The following CERKL variants were observed in gnomAD, a reference collection of about 807,000 sequenced individuals.
The protein encoded by CERKL is ceramide kinase-like protein.
Under a neutral mutation model 63.4 loss-of-function variants are expected in CERKL, and 61 were observed. The observed-to-expected ratio is 0.96, with a 90% CI of 0.78 to 1.19. CERKL has a LOEUF of 1.19. Among genes scored for constraint, CERKL ranks in the 50% most tolerant of loss-of-function variants. The probability of loss-of-function intolerance (pLI) is 0.00; values close to 1 mark genes in which losing one functional copy is unlikely to be tolerated. For missense variants in CERKL, 675 were observed against 655.5 expected, an observed-to-expected ratio of 1.03 and a Z score of -0.33; for synonymous variants, 250 against 230.5, an observed-to-expected ratio of 1.08 and a Z score of -0.77.
intron 5 of CERKL, among the ~76,000 whole-genome samples, chr2:181,554,168 A>C (rs1688106169): frequency 6.8e-6 from 1 of 147,894 alleles, no homozygotes; most frequent in Admixed American, 6.7e-5. Context: ...TGGAGGCAAA[A>C]AAAAAAAAAA....
At chr2:181,656,704 G>C in intron 1 of CERKL, 65 bp downstream of exon 1, 4 of 1,358,188 alleles carry the variant, frequency 2.9e-6, no homozygotes, top group Non-Finnish European at 4.0e-6. Context: ...GTGGGTGTAG[G>C]CCTTGGGCCG....
At chr2:181,651,310 A>G (rs1687927818) in intron 1 of CERKL, among the ~76,000 whole-genome samples, 1 of 152,224 alleles carries the variant, frequency 6.6e-6, no homozygotes. Flanking sequence ...CACATTAGAA[A>G]GATAACTTGC....
chr2:181,604,171 C>T, intron 1 of CERKL, 92 bp from the exon 2 acceptor site: 1 of 1,032,284 alleles, frequency 9.7e-7, no homozygotes, highest in Non-Finnish European at 1.4e-6. Flanking sequence ...AGAAAGTGAG[C>T]AAAGGGAGAG....
intron 2 of CERKL, among the ~76,000 whole-genome samples, chr2:181,574,530 G>C (rs945678379): frequency 1.6e-4 from 25 of 152,180 alleles, no homozygotes; most frequent in Non-Finnish European, 5.9e-5. Context: ...CAATGATAGT[G>C]CTGCCTCACA....
At chr2:181,647,852 C>T (rs1368625736) in intron 1 of CERKL, among the ~76,000 whole-genome samples, 1 of 151,726 alleles carries the variant, frequency 6.6e-6, no homozygotes, top group African/African-American at 2.4e-5. Flanking sequence ...ACAAACAACC[C>T]AATGAAATCA....
chr2:181,548,381 G>A, intron 8 of CERKL, 164 bp downstream of exon 8: 1 of 634,406 alleles, frequency 1.6e-6, no homozygotes, highest in Non-Finnish European at 2.8e-6. Flanking sequence ...AAGGCTGAGT[G>A]AGTAGTTGTT....
At chr2:181,628,529 CA>C (rs373452709) in intron 1 of CERKL, among the ~76,000 whole-genome samples, 2 of 152,076 alleles carry the variant, frequency 1.3e-5, no homozygotes, top group African/African-American at 4.8e-5. Flanking sequence ...CAGTAACCCC[CA>C]AAGATTAGTC....
At position 181,650,095 on chromosome 2, in the gene CERKL, GAGGGAGGGAGGGAGGGAGGA is replaced by G. The variant is rs1189172205; in HGVS notation, c.238+6654_238+6673del. On this transcript the variant is annotated intron_variant, in intron 1 of 12. Coordinates refer to ENST00000410087, the MANE Select transcript of CERKL (RefSeq NM_201548.5). The stretch of plus-strand genomic sequence containing the variant: ...GCAATACAGAAGGGAGGGAGGGAGG[GAGGGAGGGAGGGAGGGAGGA>G]AGGAAGGAAGGAAGGAAGGAAGGAA... 67 of 66,766 alleles carry G rather than the reference GAGGGAGGGAGGGAGGGAGGA, an allele frequency of 1.0e-3. 1 individual carries two copies. Among genetic ancestry groups the G allele is most frequent in the African/African-American group, 4.4e-3 (66 of 14,912 alleles). The allele number at this position is 66,766 out of a possible 1,614,324, so 4.1% of individuals were successfully genotyped here.
intron 5 of CERKL, among the ~76,000 whole-genome samples, chr2:181,553,609 A>T (rs1042758488): frequency 6.6e-6 from 1 of 152,174 alleles, no homozygotes; most frequent in African/African-American, 2.4e-5. Context: ...AATGCTAGAG[A>T]TGGCTTTAAA....
chr2:181,598,868 AG>A (rs58224598), intron 2 of CERKL, among the ~76,000 whole-genome samples: 27,001 of 150,966 alleles, frequency 0.18, 3,884 homozygotes, highest in African/African-American at 0.4. Context: ...CATACCCTCA[AG>A]GGGAAAAAAA....
chr2:181,655,154 C>A (rs764865254), intron 1 of CERKL, among the ~76,000 whole-genome samples: 3 of 147,818 alleles, frequency 2.0e-5, no homozygotes, highest in Non-Finnish European at 4.4e-5. Context: ...GTACTTGCAA[C>A]CTTTAAAGTT....
chr2:181,622,382 T>C (rs938414037), intron 1 of CERKL, among the ~76,000 whole-genome samples: 1 of 152,230 alleles, frequency 6.6e-6, no homozygotes, highest in Admixed American at 6.5e-5. Flanking sequence ...GTAGGAGGAC[T>C]ATTGAATATA....
chr2:181,571,812 T>A (rs1297036550), intron 3 of CERKL, among the ~76,000 whole-genome samples: 1 of 152,134 alleles, frequency 6.6e-6, no homozygotes, highest in Non-Finnish European at 1.5e-5. Flanking sequence ...GATGGTTAAA[T>A]AAATGATTAT....
rs959750557 is a variant in CERKL at position 181,547,945 on chromosome 2, CTCA to C, written c.1134-101_1134-99del. ...TATTAAATATGAGAAAATTAGAGAA[CTCA>C]TCATTATATATGTTAAATACTTTCT... On this transcript the variant is annotated intron_variant, in intron 8 of 12. Transcript: ENST00000410087. 4.8e-5 allele frequency: 56 copies of C among 1,174,338 alleles called. No homozygotes were observed. The African/African-American group carries it at 7.5e-4, about 16-fold the overall frequency. 72.7% of individuals were successfully genotyped at this position (1,174,338 alleles called of 1,614,324 possible).
At chr2:181,585,611 A>G (rs1051507022) in intron 2 of CERKL, among the ~76,000 whole-genome samples, 2 of 152,324 alleles carry the variant, frequency 1.3e-5, no homozygotes, top group Admixed American at 1.3e-4. Context: ...ATTACTGCCA[A>G]GTTTTAAAAA....
chr2:181,656,778 G>A lies in CERKL; in HGVS notation c.229C>T (p.Arg77Cys). The change falls in exon 1 of 13, where the codon CGC becomes TGC. Residue 77 changes from arginine to cysteine, a missense_variant. Arg to Cys is a radical substitution (Grantham distance 180, BLOSUM62 -3). Coordinates refer to ENST00000410087, the MANE Select transcript of CERKL (RefSeq NM_201548.5). ...GGGGCCGGGCACTCACCCGCCGGGC[G>A]CTCGGGCTGAATGGGCCGCCACCGC... The part of the protein sequence containing the change: ...ALRWRPIQPE[R>C]PAGDSKYDLL... 2.5e-6 allele frequency: 4 copies of A among 1,595,148 alleles called. No homozygotes were observed. Among genetic ancestry groups the A allele is most frequent in the Non-Finnish European group, 2.6e-6 (3 of 1,170,454 alleles).
chr2:181,622,456 C>T (rs1259240528), intron 1 of CERKL, among the ~76,000 whole-genome samples: 1 of 152,198 alleles, frequency 6.6e-6, no homozygotes, highest in Non-Finnish European at 1.5e-5. Flanking sequence ...TGTTTGCTAA[C>T]TTGAAGGCTG....
chr2:181,543,458 C>A (rs917584466), intron 11 of CERKL, among the ~76,000 whole-genome samples: 2 of 152,154 alleles, frequency 1.3e-5, no homozygotes, highest in African/African-American at 4.8e-5. Flanking sequence ...ATTTAAGTTC[C>A]TAAGCAGCCC....
intron 4 of CERKL, among the ~76,000 whole-genome samples, chr2:181,563,089 G>C (rs995474268): frequency 3.9e-5 from 6 of 152,156 alleles, no homozygotes; most frequent in East Asian, 1.9e-4. Flanking sequence ...ATAAATGCAA[G>C]TGTTACTGCT....
Sources: gnomAD v4.1 joint callset for allele counts (sites outside exome capture counted in the v4.1 genomes callset) on GRCh38, gnomAD v4.1.1 for gene constraint, MANE v1.5 for transcripts, NCBI Gene and HGNC (gene_info 2026-07-23, HGNC 2026-07-21) for gene names.